The following TXLNB variants were observed in gnomAD, a reference collection of about 807,000 sequenced individuals.
The protein encoded by TXLNB is taxilin beta, also known as beta-taxilin.
Under a neutral mutation model 57.4 loss-of-function variants are expected in TXLNB, and 37 were observed. That is an observed-to-expected ratio of 0.64 (90% CI 0.50 to 0.85). The LOEUF (loss-of-function observed/expected upper bound fraction) is 0.85. Among genes scored for constraint, TXLNB ranks in the 40% least tolerant of loss-of-function variants. The pLI is 0.00. For synonymous variants in TXLNB, 302 were observed against 309.6 expected, an observed-to-expected ratio of 0.98 and a Z score of 0.26; for missense variants, 848 against 825.6, an observed-to-expected ratio of 1.03 and a Z score of -0.33.
chr6:139,207,739 C>A, the TXLNB span, among the ~76,000 whole-genome samples: 2 of 152,064 alleles, frequency 1.3e-5, no homozygotes, highest in East Asian at 1.9e-4. Flanking sequence ...GTTAGTGAGA[C>A]TAACTGAGAA....
the TXLNB span, among the ~76,000 whole-genome samples, chr6:139,196,364 GGTTTT>G: frequency 2.1e-4 from 18 of 86,740 alleles, no homozygotes; most frequent in East Asian, 8.8e-4. Flanking sequence ...CTCCAGATCT[GGTTTT>G]TTTTTTTTTT....
At chr6:139,166,878 G>C in the TXLNB span, 1 of 1,613,910 alleles carries the variant, frequency 6.2e-7, no homozygotes, top group Non-Finnish European at 8.5e-7. Context: ...AGCGGCCCCC[G>C]CTCCTCCAGA....
the TXLNB span, among the ~76,000 whole-genome samples, chr6:139,176,305 A>T: frequency 6.6e-6 from 1 of 152,222 alleles, no homozygotes; most frequent in Non-Finnish European, 1.5e-5. The surrounding 1 kb of genome is among the most constrained non-coding windows in gnomAD (Gnocchi z 4.5). Flanking sequence ...TTTGAGAACA[A>T]GTTGAGATTA....
chr6:139,301,447 T>C, the TXLNB span, among the ~76,000 whole-genome samples: 1 of 152,280 alleles, frequency 6.6e-6, no homozygotes, highest in African/African-American at 2.4e-5. Flanking sequence ...ACCTCCATTG[T>C]CCCCTGAGTT....
At chr6:139,293,120 C>T (rs1777332511), upstream of TXLNB, among the ~76,000 whole-genome samples, 1 of 152,066 alleles carries the variant, frequency 6.6e-6, no homozygotes, top group African/African-American at 2.4e-5. Context: ...TTTATTGAGA[C>T]AGAGTCTCGC....
chr6:139,255,438 A>G (rs1776310920), intron 7 of TXLNB, 126 bp downstream of exon 7: 1 of 742,742 alleles, frequency 1.3e-6, no homozygotes, highest in Non-Finnish European at 2.5e-6. Flanking sequence ...GTTGTTCTTC[A>G]TTTCCAATTC....
chr6:139,275,872 C>A (rs6907128), intron 3 of TXLNB, among the ~76,000 whole-genome samples: 1 of 152,174 alleles, frequency 6.6e-6, no homozygotes, highest in Non-Finnish European at 1.5e-5. Flanking sequence ...TAAGCTTCCT[C>A]AGCTGCAATG....
At chr6:139,302,843 A>G in the TXLNB span, among the ~76,000 whole-genome samples, 1 of 152,248 alleles carries the variant, frequency 6.6e-6, no homozygotes, top group Admixed American at 6.5e-5. Flanking sequence ...CTACATTTAT[A>G]TTGTGTAATA....
chr6:139,306,016 A>G, the TXLNB span, among the ~76,000 whole-genome samples: 1 of 152,218 alleles, frequency 6.6e-6, no homozygotes, highest in Admixed American at 6.5e-5. Flanking sequence ...CCCTGATTGT[A>G]GCATTTCAAC....
chr6:139,217,664 C>T, the TXLNB span, among the ~76,000 whole-genome samples: 1 of 151,806 alleles, frequency 6.6e-6, no homozygotes, highest in East Asian at 1.9e-4. Flanking sequence ...CTCAGAAGAT[C>T]GAGACCATCC....
At chr6:139,318,679 C>T in the TXLNB span, among the ~76,000 whole-genome samples, 2 of 152,052 alleles carry the variant, frequency 1.3e-5, no homozygotes, top group Non-Finnish European at 2.9e-5. Flanking sequence ...AGACAATGGA[C>T]TGATATTTTT....
intron 2 of TXLNB, among the ~76,000 whole-genome samples, chr6:139,284,382 G>A (rs1469133769): frequency 6.9e-6 from 1 of 144,440 alleles, no homozygotes; most frequent in Non-Finnish European, 1.5e-5. Flanking sequence ...ACAAAAATTA[G>A]CTGGGCATGG....
At chr6:139,217,179 C>T in the TXLNB span, among the ~76,000 whole-genome samples, 2 of 152,060 alleles carry the variant, frequency 1.3e-5, no homozygotes, top group Non-Finnish European at 2.9e-5. Context: ...TAGCAGCAGA[C>T]CTAATGGCTA....
chr6:139,277,522 T>C (rs546690891), intron 2 of TXLNB, among the ~76,000 whole-genome samples: 1 of 152,304 alleles, frequency 6.6e-6, no homozygotes, highest in Admixed American at 6.5e-5. Flanking sequence ...GGAGTGGGAA[T>C]AACTCTGATC....
At chr6:139,249,149 T>C (rs1245019554) in intron 7 of TXLNB, among the ~76,000 whole-genome samples, 1 of 152,232 alleles carries the variant, frequency 6.6e-6, no homozygotes, top group Admixed American at 6.5e-5. Flanking sequence ...TATCGCCAAG[T>C]CCTTAATTCA....
Position 139,262,620 on chromosome 6 carries a change from T to C in TXLNB, c.841A>G (p.Lys281Glu). The stretch of plus-strand genomic sequence containing the variant: ...TACTGATCGATGATGCTTTTCAGCT[T>C]TTCTGCAAGCTCTGTGTTCTCCTGA... ...LCQENTELAE[K>E]LKSIIDQYEL... Residue 281 changes from lysine (K) to glutamate (E), a missense_variant, in exon 5 of 10, where the codon AAG becomes GAG. By Grantham distance (56) the Lys-to-Glu change is moderately conservative (BLOSUM62 1). Transcript: ENST00000358430. The C allele has an allele frequency of 6.2e-7, 1 of 1,614,144 alleles. No individual in the cohort carries two copies. The highest frequency in any genetic ancestry group is 8.5e-7 in the Non-Finnish European group (1 of 1,180,002).
intron 7 of TXLNB, among the ~76,000 whole-genome samples, chr6:139,252,887 A>T (rs1582997036): frequency 6.6e-6 from 1 of 152,158 alleles, no homozygotes; most frequent in Admixed American, 6.6e-5. Context: ...GCTACTCGGG[A>T]GGCTGAGGCA....
chr6:139,205,736 C>T, the TXLNB span, among the ~76,000 whole-genome samples: 1 of 152,110 alleles, frequency 6.6e-6, no homozygotes, highest in East Asian at 1.9e-4. Flanking sequence ...AGAAGAGAAA[C>T]CTATAAGTTT....
upstream of TXLNB, chr6:139,292,086 GCACA>G (rs760910211): frequency 2.6e-4 from 37 of 144,664 alleles, no homozygotes; most frequent in South Asian, 4.2e-4. The surrounding 1 kb of genome is among the most constrained non-coding windows in gnomAD (Gnocchi z 4.0). Context: ...GCACGCGCGC[GCACA>G]CACACACACA....
Sources: gnomAD v4.1 joint callset for allele counts (sites outside exome capture counted in the v4.1 genomes callset) on GRCh38, gnomAD v4.1.1 for gene constraint, Gnocchi (gnomAD v3.1) non-coding constraint, MANE v1.5 for transcripts, NCBI Gene and HGNC (gene_info 2026-07-23, HGNC 2026-07-21) for gene names.